The following CFAP20DC variants were observed in gnomAD, a reference collection of about 807,000 sequenced individuals.
CFAP20DC encodes the protein protein CFAP20DC.
Under a neutral mutation model 101.7 loss-of-function variants are expected in CFAP20DC, and 84 were observed. That is an observed-to-expected ratio of 0.83 (90% CI 0.69 to 0.99). The LOEUF is 0.99. CFAP20DC is among the 50% of genes least tolerant of loss of function. CFAP20DC has a pLI of 0.00. For synonymous variants in CFAP20DC, 359 were observed against 351.2 expected (o/e 1.02, Z -0.25); for missense variants, 1,007 against 970.3 (o/e 1.04, Z -0.50).
rs112956843 is a variant in CFAP20DC, at chr3:58,800,517, G to A, written c.2237+5878C>T. 7.5e-3 allele frequency among the ~76,000 whole-genome samples: 1,136 copies of A among 152,286 alleles called. 13 individuals carry two copies. The highest frequency in any genetic ancestry group is 0.025 in the African/African-American group (1,053 of 41,570). On this transcript the variant is annotated intron_variant, in intron 15 of 16. Transcript: ENST00000482387. ...GAATAGATTTGCAGAAGAAAATCAAGTTACCTTTTCAATGGCTGGATTTTA... is the reference window on the plus strand; with the variant it reads ...GAATAGATTTGCAGAAGAAAATCAAATTACCTTTTCAATGGCTGGATTTTA...
chr3:58,946,969 A>C lies in CFAP20DC; in HGVS notation c.279-9207T>G, dbSNP rs938861181. Among the ~76,000 whole-genome samples the C allele has an allele frequency of 4.6e-5, 7 of 152,192 alleles. No individual in the cohort carries two copies. The East Asian group carries it at 1.3e-3, about 29-fold the overall frequency. On this transcript the variant is annotated intron_variant, in intron 4 of 16. Transcript: ENST00000482387. ...TAGGAATGAATATTTACATTTTACCAATGTAGTGAGAGGCTCAGAGACATT... is the reference window on the plus strand; with the variant it reads ...TAGGAATGAATATTTACATTTTACCCATGTAGTGAGAGGCTCAGAGACATT...
At chr3:58,889,270 G>A (rs535377447) in intron 6 of CFAP20DC, among the ~76,000 whole-genome samples, 3 of 152,266 alleles carry the variant, frequency 2.0e-5, no homozygotes, top group South Asian at 4.1e-4. Context: ...AATGACAATA[G>A]TAGGGTACAA....
intron 12 of CFAP20DC, among the ~76,000 whole-genome samples, chr3:58,851,263 C>G (rs1215455106): frequency 6.6e-6 from 1 of 152,076 alleles, no homozygotes; most frequent in Non-Finnish European, 1.5e-5. Flanking sequence ...TGTGGAGTGT[C>G]TGGGTTGGCT....
intron 4 of CFAP20DC, among the ~76,000 whole-genome samples, chr3:59,036,366 T>G (rs192908198): frequency 9.3e-4 from 141 of 152,290 alleles, no homozygotes; most frequent in African/African-American, 3.3e-3. Context: ...TGTCCCTCTT[T>G]GCAGATGACA....
chr3:58,927,470 T>C (rs549424805), intron 5 of CFAP20DC, among the ~76,000 whole-genome samples: 1 of 152,316 alleles, frequency 6.6e-6, no homozygotes, highest in East Asian at 1.9e-4. Context: ...GATTCAACTT[T>C]ACAGAAGAGC....
intron 4 of CFAP20DC, among the ~76,000 whole-genome samples, chr3:59,012,687 A>G (rs1489605267): frequency 2.6e-5 from 4 of 152,228 alleles, no homozygotes; most frequent in African/African-American, 9.6e-5. Context: ...ATAATTTTTT[A>G]CAAATTGGCC....
intron 15 of CFAP20DC, among the ~76,000 whole-genome samples, chr3:58,768,610 C>A (rs1298512177): frequency 6.6e-6 from 1 of 152,200 alleles, no homozygotes; most frequent in Non-Finnish European, 1.5e-5. Context: ...AATCTGGTCT[C>A]TATATAATCC....
chr3:58,811,239 A>G (rs577690149), intron 14 of CFAP20DC, among the ~76,000 whole-genome samples: 1 of 152,292 alleles, frequency 6.6e-6, no homozygotes, highest in Admixed American at 6.5e-5. Flanking sequence ...AAGAGCCCGC[A>G]TTGCCAAGTC....
chr3:58,895,301 T>C (rs192480854), intron 6 of CFAP20DC, among the ~76,000 whole-genome samples: 1 of 152,258 alleles, frequency 6.6e-6, no homozygotes, highest in African/African-American at 2.4e-5. Flanking sequence ...CTTTTAAAAC[T>C]GAATGCCTTT....
chr3:59,028,288 G>C (rs1364523667), intron 4 of CFAP20DC, among the ~76,000 whole-genome samples: 1 of 152,146 alleles, frequency 6.6e-6, no homozygotes, highest in Non-Finnish European at 1.5e-5. Flanking sequence ...AGTCTAAAAT[G>C]AATTCATCAC....
At chr3:59,031,538 G>A (rs1304315128) in intron 4 of CFAP20DC, among the ~76,000 whole-genome samples, 3 of 152,170 alleles carry the variant, frequency 2.0e-5, no homozygotes, top group Admixed American at 6.5e-5. Flanking sequence ...ATACGTGAGT[G>A]CATCAAACAA....
At chr3:58,816,735 G>A (rs1309489124) in intron 14 of CFAP20DC, among the ~76,000 whole-genome samples, 2 of 152,162 alleles carry the variant, frequency 1.3e-5, no homozygotes, top group South Asian at 2.1e-4. Flanking sequence ...CATTGCCCAG[G>A]CTTGCTTAGG....
intron 14 of CFAP20DC, among the ~76,000 whole-genome samples, chr3:58,821,522 C>T (rs2075643919): frequency 6.6e-6 from 1 of 151,406 alleles, no homozygotes; most frequent in Non-Finnish European, 1.5e-5. Flanking sequence ...GACATTTATG[C>T]AGCCAAAAAA....
intron 7 of CFAP20DC, among the ~76,000 whole-genome samples, chr3:58,870,894 C>CAAAAAAAAAAA (rs548763648): frequency 1.1e-4 from 2 of 18,950 alleles, no homozygotes; most frequent in African/African-American, 2.1e-4. Flanking sequence ...GACTCCGTCT[C>CAAAAAAAAAAA]AAAAAAAAAA....
At chr3:59,047,075 C>G (rs1476858494) in intron 2 of CFAP20DC, 90 bp downstream of exon 2, 1 of 834,370 alleles carries the variant, frequency 1.2e-6, no homozygotes, top group African/African-American at 1.7e-5. Flanking sequence ...ACAGGAAAAA[C>G]AGCTCTGAAA....
intron 15 of CFAP20DC, among the ~76,000 whole-genome samples, chr3:58,765,579 T>C (rs1434859915): frequency 6.6e-6 from 1 of 151,098 alleles, no homozygotes. Context: ...GCAAAAGAGC[T>C]ATCTACAATC....
At chr3:59,036,003 A>G (rs985617186) in intron 4 of CFAP20DC, among the ~76,000 whole-genome samples, 10 of 152,238 alleles carry the variant, frequency 6.6e-5, no homozygotes, top group African/African-American at 2.4e-4. Context: ...CAACATACGC[A>G]AATCAATCAA....
At chr3:58,756,995 G>A (rs1263057813) in intron 15 of CFAP20DC, among the ~76,000 whole-genome samples, 9 of 151,932 alleles carry the variant, frequency 5.9e-5, no homozygotes, top group Non-Finnish European at 1.2e-4. Flanking sequence ...GTTTTGCAAT[G>A]ATTGCAATGA....
intron 4 of CFAP20DC, among the ~76,000 whole-genome samples, chr3:58,980,780 C>T (rs1013404000): frequency 2.0e-5 from 3 of 152,182 alleles, no homozygotes; most frequent in Non-Finnish European, 2.9e-5. Context: ...GAGGCATTAC[C>T]TTTGAAAACT....
Sources: gnomAD v4.1 joint callset for allele counts (sites outside exome capture counted in the v4.1 genomes callset) on GRCh38, gnomAD v4.1.1 for gene constraint, MANE v1.5 for transcripts, NCBI Gene and HGNC (gene_info 2026-07-23, HGNC 2026-07-21) for gene names.